Variants in CEP76 observed in about 807,000 individuals in gnomAD.
CEP76 encodes the protein centrosomal protein 76.
In CEP76, 55 loss-of-function variants were observed where a neutral mutation model predicts 83.3. That is an observed-to-expected ratio of 0.66 (90% confidence interval 0.53 to 0.83). CEP76 has a LOEUF of 0.83. CEP76 is among the 40% of genes least tolerant of loss of function. The pLI is 0.00. For missense variants in CEP76, 694 were observed against 799.5 expected (o/e 0.87, Z 1.59); for synonymous variants, 270 against 274.5 (o/e 0.98, Z 0.16).
intron 12 of CEP76, among the ~76,000 whole-genome samples, chr18:12,664,874 T>A (rs933313142): frequency 6.8e-6 from 1 of 147,266 alleles, no homozygotes; most frequent in Non-Finnish European, 1.5e-5. Flanking sequence ...AACTTTTGTA[T>A]TTTTAGTAGA....
rs2040160702 is a variant in CEP76, at chr18:12,701,765, ACTTAT to A, written c.64-657_64-653del. On this transcript the variant is annotated intron_variant, in intron 1 of 11. Coordinates refer to ENST00000262127, the MANE Select transcript of CEP76 (RefSeq NM_024899.4). ...ACCCTTTAGTAACTTCTCTTCCATG[ACTTAT>A]TTGAGAATTGCTGATTGAAGCTCCT... 3.9e-5 allele frequency among the ~76,000 whole-genome samples: 6 copies of A among 152,240 alleles called. No individual in the cohort carries two copies. The South Asian group carries it at 1.2e-3, about 32-fold the overall frequency.
chr18:12,663,457 G>A (rs2038739627), intron 12 of CEP76: 1 of 152,124 alleles, frequency 6.6e-6, no homozygotes, highest in Non-Finnish European at 1.5e-5. Flanking sequence ...CTTTTTTGCA[G>A]AGACGGGGTT....
intron 12 of CEP76, among the ~76,000 whole-genome samples, chr18:12,663,153 A>G (rs1105748): frequency 0.072 from 10,947 of 152,308 alleles, 557 homozygotes; most frequent in Non-Finnish European, 0.1. Context: ...TACATTTCCT[A>G]TAACACAAAC....
At chr18:12,678,032 T>C in intron 10 of CEP76, 77 bp downstream of exon 10, 4 of 1,141,450 alleles carry the variant, frequency 3.5e-6, no homozygotes. Flanking sequence ...TGACTGGCAC[T>C]ATCACACACA....
intron 8 of CEP76, chr18:12,685,447 C>G (rs1300495771): frequency 6.6e-6 from 1 of 152,078 alleles, no homozygotes; most frequent in East Asian, 1.9e-4. Flanking sequence ...CCCTACATCA[C>G]AGAAATCACA....
chr18:12,671,830 AT>A (rs902418208), downstream of CEP76, among the ~76,000 whole-genome samples: 1 of 151,170 alleles, frequency 6.6e-6, no homozygotes, highest in African/African-American at 2.4e-5. Context: ...TATAAAAAAC[AT>A]TTTTTTTGAG....
chr18:12,698,103 AAAG>A (rs1262275209), intron 4 of CEP76, among the ~76,000 whole-genome samples: 4 of 152,012 alleles, frequency 2.6e-5, no homozygotes, highest in African/African-American at 7.2e-5. Context: ...ATAAGAAAAA[AAAG>A]AAAAAATTAA....
At chr18:12,664,905 G>A (rs1250139034) in intron 12 of CEP76, among the ~76,000 whole-genome samples, 2 of 151,632 alleles carry the variant, frequency 1.3e-5, no homozygotes, top group South Asian at 2.1e-4. Context: ...CACCACTTTG[G>A]CCAGGCTGGT....
chr18:12,698,119 T>C (rs956755537), intron 4 of CEP76, among the ~76,000 whole-genome samples: 4 of 151,820 alleles, frequency 2.6e-5, no homozygotes, highest in Non-Finnish European at 1.5e-5. Context: ...AAAATTAAAA[T>C]GACAGTTATA....
chr18:12,689,113 A>G, intron 7 of CEP76, among the ~76,000 whole-genome samples: 1 of 152,164 alleles, frequency 6.6e-6, no homozygotes, highest in East Asian at 1.9e-4. Flanking sequence ...CTGTCTCACA[A>G]CAACAACAAA....
intron 1 of CEP76, among the ~76,000 whole-genome samples, chr18:12,701,603 G>A (rs1194483013): frequency 6.6e-6 from 1 of 152,174 alleles, no homozygotes; most frequent in Non-Finnish European, 1.5e-5. Context: ...ATACTAGACA[G>A]CACAAAGCCT....
At chr18:12,662,813 A>C (rs555017609) in intron 12 of CEP76, among the ~76,000 whole-genome samples, 7 of 152,332 alleles carry the variant, frequency 4.6e-5, no homozygotes, top group African/African-American at 1.7e-4. Flanking sequence ...CGAAAAGTAG[A>C]GGATTGAGAT....
Position 12,678,118 on chromosome 18 carries a change from T to C in CEP76, c.1614A>G (p.Glu538=), listed in dbSNP as rs986592194. 5 of 1,610,186 alleles carry C rather than the reference T, an allele frequency of 3.1e-6. No individual in the cohort carries two copies. The highest frequency in any genetic ancestry group is 4.2e-6 in the Non-Finnish European group (5 of 1,176,564). ...IEMQLRLLVS[E]HRKDLGLTTV... ...TTTCAGTGTGAATTACCTTCCTGTGTTCTGACACCAGGAGCCTCAGCTGCA... is the reference window on the plus strand; with the variant it reads ...TTTCAGTGTGAATTACCTTCCTGTGCTCTGACACCAGGAGCCTCAGCTGCA... The change falls in exon 10 of 12, where the codon GAA becomes GAG. Residue 538 remains glutamate (E), a synonymous_variant. Coordinates refer to ENST00000262127, the MANE Select transcript of CEP76 (RefSeq NM_024899.4).
intron 7 of CEP76, among the ~76,000 whole-genome samples, chr18:12,690,939 G>GCC (rs56296606): frequency 4.1e-3 from 610 of 148,740 alleles, no homozygotes; most frequent in African/African-American, 1.0e-2. Flanking sequence ...TATGCCCAGA[G>GCC]CCCCCCCCCG....
chr18:12,689,529 C>T (rs1385519226), intron 7 of CEP76, among the ~76,000 whole-genome samples: 3 of 152,142 alleles, frequency 2.0e-5, no homozygotes, highest in Non-Finnish European at 4.4e-5. Context: ...GACTAAATTA[C>T]GTTCTATGGT....
chr18:12,671,994 A>C (rs959803138), downstream of CEP76, among the ~76,000 whole-genome samples: 1 of 149,790 alleles, frequency 6.7e-6, no homozygotes, highest in African/African-American at 2.5e-5. Context: ...TAATTTTTGT[A>C]TCTTTAGTAG....
At chr18:12,674,808 C>CGTTGGTTTT (rs1418174193) in intron 10 of CEP76, 55 bp from the exon 11 acceptor site, 1 of 1,119,174 alleles carries the variant, frequency 8.9e-7, no homozygotes, top group Non-Finnish European at 1.3e-6. Flanking sequence ...TTTTTAAAAC[C>CGTTGGTTTT]AACTAAATAA....
At chr18:12,699,583 G>A (rs2040081101) in intron 3 of CEP76, among the ~76,000 whole-genome samples, 1 of 152,232 alleles carries the variant, frequency 6.6e-6, no homozygotes, top group East Asian at 1.9e-4. Flanking sequence ...AAGCAAGGCT[G>A]TACAGTTTTT....
At chr18:12,696,434 CG>C (rs2039960616) in intron 5 of CEP76, among the ~76,000 whole-genome samples, 1 of 151,952 alleles carries the variant, frequency 6.6e-6, no homozygotes, top group Non-Finnish European at 1.5e-5. Flanking sequence ...ACCCAGGAGG[CG>C]GGGGTTGCAG....
Sources: allele counts gnomAD v4.1 joint callset (sites outside exome capture counted in the v4.1 genomes callset), GRCh38; gene constraint gnomAD v4.1.1; transcripts MANE v1.5; gene names NCBI Gene and HGNC (gene_info 2026-07-23, HGNC 2026-07-21).